Variants in MACROD2 observed in about 807,000 individuals in gnomAD.
MACROD2 encodes ADP-ribose glycohydrolase MACROD2.
MACROD2 carries 36 observed loss-of-function variants against 70.4 expected under a neutral mutation model. The observed-to-expected ratio is 0.51, with a 90% CI of 0.39 to 0.68. The LOEUF (loss-of-function observed/expected upper bound fraction) is 0.68. Among genes scored for constraint, MACROD2 ranks in the 30% least tolerant of loss-of-function variants. The pLI is 0.00. For missense variants in MACROD2, 496 were observed against 538.4 expected, an observed-to-expected ratio of 0.92 and a Z score of 0.78; for synonymous variants, 172 against 178.8, an observed-to-expected ratio of 0.96 and a Z score of 0.30.
chr20:14,488,824 T>A (rs933904193), intron 3 of MACROD2, among the ~76,000 whole-genome samples: 2 of 152,180 alleles, frequency 1.3e-5, no homozygotes, highest in African/African-American at 4.8e-5. Flanking sequence ...AGAGTTTTTT[T>A]TGCCCATGCT....
intron 6 of MACROD2, among the ~76,000 whole-genome samples, chr20:15,246,145 T>G (rs913610369): frequency 3.9e-5 from 6 of 152,254 alleles, no homozygotes; most frequent in Admixed American, 3.3e-4. Context: ...TCAAAGCTAT[T>G]ACTACAATTT....
chr20:14,342,174 A>G (rs2083020162), intron 3 of MACROD2, among the ~76,000 whole-genome samples: 1 of 152,202 alleles, frequency 6.6e-6, no homozygotes, highest in Admixed American at 6.5e-5. Context: ...AGCCTTACTC[A>G]GACACAGAAC....
chr20:15,278,897 A>G (rs1408017485), intron 6 of MACROD2, among the ~76,000 whole-genome samples: 1 of 152,158 alleles, frequency 6.6e-6, no homozygotes, highest in African/African-American at 2.4e-5. Flanking sequence ...CTTGTTTTGC[A>G]TGTGTCACAG....
chr20:14,151,998 T>C (rs1049751095), intron 3 of MACROD2, among the ~76,000 whole-genome samples: 7 of 151,314 alleles, frequency 4.6e-5, no homozygotes, highest in African/African-American at 1.7e-4. Context: ...ATATTTTGTA[T>C]TTTTAGTAGA....
At chr20:16,025,615 T>TGGCAGGTTGGGGGAC (rs1568718276) in intron 15 of MACROD2, among the ~76,000 whole-genome samples, 1 of 151,524 alleles carries the variant, frequency 6.6e-6, no homozygotes, top group African/African-American at 2.4e-5. Flanking sequence ...CGCCTGGGGA[T>TGGCAGGTTGGGGGAC]GGCGGGTTGG....
chr20:14,956,706 G>C (rs2074539936), intron 5 of MACROD2, among the ~76,000 whole-genome samples: 1 of 152,110 alleles, frequency 6.6e-6, no homozygotes, highest in Admixed American at 6.6e-5. Context: ...TCTTAACTAA[G>C]GTCATGAGTA....
chr20:15,690,267 C>T (rs1370546759), intron 8 of MACROD2, among the ~76,000 whole-genome samples: 3 of 151,936 alleles, frequency 2.0e-5, no homozygotes, highest in Admixed American at 6.6e-5. Flanking sequence ...TTGTAGGTAG[C>T]ATAGACAGTT....
chr20:15,568,487 A>G (rs1490964011), intron 8 of MACROD2, among the ~76,000 whole-genome samples: 21 of 152,202 alleles, frequency 1.4e-4, no homozygotes, highest in Admixed American at 1.4e-3. Flanking sequence ...ACCTACACTA[A>G]CAAATGGCTT....
chr20:14,859,878 G>A (rs1356051178), intron 5 of MACROD2, among the ~76,000 whole-genome samples: 1 of 152,104 alleles, frequency 6.6e-6, no homozygotes, highest in African/African-American at 2.4e-5. Flanking sequence ...ACAGTAGAAT[G>A]TTAAATCAGG....
chr20:15,639,871 G>A (rs896466265), intron 8 of MACROD2, among the ~76,000 whole-genome samples: 39 of 151,950 alleles, frequency 2.6e-4, no homozygotes, highest in African/African-American at 8.9e-4. Context: ...GAAAGAGAGA[G>A]GAGAGAGATG....
At chr20:15,876,088 C>CTT (rs2064664247) in intron 9 of MACROD2, among the ~76,000 whole-genome samples, 2 of 52,610 alleles carry the variant, frequency 3.8e-5, no homozygotes, top group African/African-American at 8.5e-5. Context: ...AGCTACATGT[C>CTT]TTTTATATAT....
intron 5 of MACROD2, among the ~76,000 whole-genome samples, chr20:14,967,500 G>T (rs1049556391): frequency 4.7e-5 from 7 of 149,518 alleles, no homozygotes; most frequent in Admixed American, 1.3e-4. Context: ...TGTTTTTTTT[G>T]AATGCTTTGG....
chr20:15,962,512 G>C (rs1477277016), intron 12 of MACROD2, among the ~76,000 whole-genome samples: 1 of 152,174 alleles, frequency 6.6e-6, no homozygotes, highest in Non-Finnish European at 1.5e-5. Flanking sequence ...GTAAGAATGA[G>C]CTATTTCACA....
At chr20:15,943,473 G>C (rs1444268875) in intron 12 of MACROD2, among the ~76,000 whole-genome samples, 1 of 152,202 alleles carries the variant, frequency 6.6e-6, no homozygotes, top group East Asian at 1.9e-4. Flanking sequence ...CATTGGTAGA[G>C]TGTCTGAATA....
intron 15 of MACROD2, among the ~76,000 whole-genome samples, chr20:16,032,747 A>G (rs2067169385): frequency 8.3e-6 from 1 of 120,738 alleles, no homozygotes; most frequent in African/African-American, 3.1e-5. Context: ...GAAGGGAAGA[A>G]AGGGAGGAGG....
chr20:15,299,924 G>T (rs1412560942), intron 6 of MACROD2, among the ~76,000 whole-genome samples: 1 of 152,188 alleles, frequency 6.6e-6, no homozygotes, highest in Admixed American at 6.5e-5. Flanking sequence ...ACTGAGAAGA[G>T]AGGAAGCTTT....
At chr20:15,526,465 G>A (rs1395531670) in intron 8 of MACROD2, among the ~76,000 whole-genome samples, 1 of 152,156 alleles carries the variant, frequency 6.6e-6, no homozygotes, top group Non-Finnish European at 1.5e-5. Flanking sequence ...CCAAAGATGT[G>A]AATAGGTGAG....
chr20:15,556,276 T>C (rs1274798465), intron 8 of MACROD2, among the ~76,000 whole-genome samples: 2 of 152,236 alleles, frequency 1.3e-5, no homozygotes, highest in Non-Finnish European at 2.9e-5. Context: ...CTCGTTCATT[T>C]ATGATATGTG....
At chr20:15,204,183 T>C (rs187590554) in intron 5 of MACROD2, among the ~76,000 whole-genome samples, 12 of 152,274 alleles carry the variant, frequency 7.9e-5, no homozygotes, top group African/African-American at 2.9e-4. Flanking sequence ...CACTTGTTTT[T>C]AACTTCTCAA....
Sources: gnomAD v4.1 joint callset for allele counts (sites outside exome capture counted in the v4.1 genomes callset) on GRCh38, gnomAD v4.1.1 for gene constraint, MANE v1.5 for transcripts, NCBI Gene and HGNC (gene_info 2026-07-23, HGNC 2026-07-21) for gene names.